The following OXR1 variants were observed in gnomAD, a reference collection of about 807,000 sequenced individuals.
OXR1 encodes oxidation resistance protein 1.
OXR1 carries 41 observed loss-of-function variants against 104.6 expected under a neutral mutation model. The observed-to-expected ratio is 0.39, with a 90% CI of 0.31 to 0.51. OXR1 has a LOEUF of 0.51. OXR1 is among the 20% of genes least tolerant of loss of function. The probability of loss-of-function intolerance (pLI) is 0.77; values close to 1 mark genes in which losing one functional copy is unlikely to be tolerated. For synonymous variants in OXR1, 348 were observed against 348.4 expected (o/e 1.00, Z 0.01); for missense variants, 955 against 1,031.9 (o/e 0.93, Z 1.02).
intron 1 of OXR1, among the ~76,000 whole-genome samples, chr8:106,339,509 AAAAAAAAAAAATATATATATATATATAT>A (rs1815118878): frequency 2.0e-5 from 1 of 50,794 alleles, no homozygotes; most frequent in African/African-American, 1.3e-4. Flanking sequence ...AAAAAAAAAA[AAAAAAAAAAAATATATATATATATATAT>A]ATATATATAT....
At chr8:106,527,556 C>A (rs1170707590) in intron 3 of OXR1, among the ~76,000 whole-genome samples, 2 of 152,186 alleles carry the variant, frequency 1.3e-5, no homozygotes, top group Admixed American at 1.3e-4. Flanking sequence ...TTTCCTCCTG[C>A]CTAGAATAGT....
chr8:106,583,080 T>G (rs1818372590), intron 3 of OXR1, among the ~76,000 whole-genome samples: 1 of 152,178 alleles, frequency 6.6e-6, no homozygotes, highest in Admixed American at 6.5e-5. Flanking sequence ...AAGACTAAAA[T>G]TATTTGTGTC....
chr8:106,706,533 G>T lies in OXR1; in HGVS notation c.1012G>T (p.Val338Leu). Residue 338 changes from valine (V) to leucine (L), a missense_variant, in exon 9 of 17, where the codon GTG becomes TTG. By Grantham distance (32) the Val-to-Leu change is conservative. Coordinates refer to ENST00000517566, the MANE Select transcript of OXR1 (RefSeq NM_001198533.2). ...CACTGAGGAGTCTCTTTCTGAAGAT[G>T]TGTTCACAGAATCAGAACTTTCCCC... is the stretch of plus-strand genomic sequence containing the variant. The part of the protein sequence containing the change: ...RSTEESLSED[V>L]FTESELSPIR... 3 of 1,607,992 alleles carry T rather than the reference G, an allele frequency of 1.9e-6. No homozygotes were observed. The highest frequency in any genetic ancestry group is 3.3e-4 in the Middle Eastern group (2 of 6,028).
chr8:106,397,360 A>G (rs1346323168), intron 2 of OXR1, among the ~76,000 whole-genome samples: 1 of 152,104 alleles, frequency 6.6e-6, no homozygotes, highest in Non-Finnish European at 1.5e-5. Flanking sequence ...AATAACAACT[A>G]TAGCGTACAT....
chr8:106,355,231 A>G (rs560661791), intron 1 of OXR1, among the ~76,000 whole-genome samples: 18 of 152,286 alleles, frequency 1.2e-4, no homozygotes, highest in African/African-American at 4.1e-4. Flanking sequence ...ACTCTTAGCA[A>G]TGTTAGAATT....
At chr8:106,627,795 A>AT (rs1400477847) in intron 3 of OXR1, among the ~76,000 whole-genome samples, 2 of 152,200 alleles carry the variant, frequency 1.3e-5, no homozygotes, top group South Asian at 2.1e-4. Flanking sequence ...AGCATTAAGC[A>AT]TTTTGGCAGT....
intron 2 of OXR1, among the ~76,000 whole-genome samples, chr8:106,504,052 C>T (rs1391488911): frequency 6.6e-6 from 1 of 152,156 alleles, no homozygotes; most frequent in Non-Finnish European, 1.5e-5. Context: ...GAGCTGATGC[C>T]AGCAAGTAAG....
At chr8:106,471,647 A>G (rs924487006) in intron 2 of OXR1, among the ~76,000 whole-genome samples, 1 of 151,824 alleles carries the variant, frequency 6.6e-6, no homozygotes, top group South Asian at 2.1e-4. Flanking sequence ...CAAGGATCTC[A>G]TGTATATAAG....
intron 1 of OXR1, among the ~76,000 whole-genome samples, chr8:106,294,454 A>G (rs1812903125): frequency 6.6e-6 from 1 of 151,552 alleles, no homozygotes; most frequent in Admixed American, 6.6e-5. Flanking sequence ...ATTTATAACG[A>G]AGAGGTTAGC....
At chr8:106,391,467 G>A (rs527938069) in intron 2 of OXR1, among the ~76,000 whole-genome samples, 1 of 152,050 alleles carries the variant, frequency 6.6e-6, no homozygotes, top group Non-Finnish European at 1.5e-5. Context: ...CTTGACTTGA[G>A]TCATGAGGGA....
chr8:106,372,523 C>T (rs1586577792), intron 2 of OXR1, among the ~76,000 whole-genome samples: 1 of 152,122 alleles, frequency 6.6e-6, no homozygotes, highest in Admixed American at 6.6e-5. Flanking sequence ...ATTTGAAATG[C>T]TCCAAAATCT....
At chr8:106,724,614 A>G (rs1347370056) in intron 11 of OXR1, among the ~76,000 whole-genome samples, 1 of 152,202 alleles carries the variant, frequency 6.6e-6, no homozygotes, top group Non-Finnish European at 1.5e-5. Context: ...ATTAGAAACC[A>G]TTTTTGGAGC....
chr8:106,435,552 T>G (rs1437703634), intron 2 of OXR1, among the ~76,000 whole-genome samples: 1 of 152,162 alleles, frequency 6.6e-6, no homozygotes, highest in African/African-American at 2.4e-5. Flanking sequence ...TCATGTGACT[T>G]TATAAGCACA....
At chr8:106,608,277 G>A (rs921321346) in intron 3 of OXR1, among the ~76,000 whole-genome samples, 9 of 152,126 alleles carry the variant, frequency 5.9e-5, no homozygotes, top group East Asian at 3.9e-4. Flanking sequence ...GTTACAGAGC[G>A]AGACCCTGTC....
At chr8:106,498,049 C>T (rs1474748173) in intron 2 of OXR1, among the ~76,000 whole-genome samples, 3 of 152,186 alleles carry the variant, frequency 2.0e-5, no homozygotes, top group African/African-American at 4.8e-5. Context: ...TGACTTTTGT[C>T]TTCTGATTAT....
chr8:106,324,743 G>T (rs1271245542), intron 1 of OXR1, among the ~76,000 whole-genome samples: 2 of 152,022 alleles, frequency 1.3e-5, no homozygotes, highest in African/African-American at 4.8e-5. Context: ...TATTGCCTGT[G>T]CATTTTCTCA....
chr8:106,382,875 C>G lies in OXR1; in HGVS notation c.23+23239C>G, dbSNP rs1024430331. On this transcript the variant is annotated intron_variant, in intron 2 of 16. Transcript: ENST00000517566. ...AGGCTAATGCAGGTGAAATAATTTACCCAAGTAAGCGGAGGGAAATGGTCT... is the reference window on the plus strand; with the variant it reads ...AGGCTAATGCAGGTGAAATAATTTAGCCAAGTAAGCGGAGGGAAATGGTCT... Among the ~76,000 whole-genome samples the G allele has an allele frequency of 7.2e-5, 11 of 151,806 alleles. 1 individual carries two copies. Among genetic ancestry groups the G allele is most frequent in the Admixed American group, 6.6e-4 (10 of 15,220 alleles).
intron 3 of OXR1, among the ~76,000 whole-genome samples, chr8:106,577,390 T>A (rs1174514937): frequency 4.8e-4 from 64 of 132,960 alleles, no homozygotes; most frequent in African/African-American, 1.8e-3. Context: ...TTTTTTTTTT[T>A]TTTTTTTTTT....
chr8:106,716,129 C>G (rs931071218), intron 11 of OXR1, among the ~76,000 whole-genome samples: 13 of 152,214 alleles, frequency 8.5e-5, no homozygotes, highest in African/African-American at 3.1e-4. Context: ...TCTACTTTTT[C>G]AACTGTAAAT....
Sources: gnomAD v4.1 joint callset for allele counts (sites outside exome capture counted in the v4.1 genomes callset) on GRCh38, gnomAD v4.1.1 for gene constraint, MANE v1.5 for transcripts, NCBI Gene and HGNC (gene_info 2026-07-23, HGNC 2026-07-21) for gene names.